TMEM232: variants seen among roughly 807,000 people sequenced by gnomAD.
TMEM232 encodes transmembrane protein 232.
Under a neutral mutation model 78.8 loss-of-function variants are expected in TMEM232, and 80 were observed. The observed-to-expected ratio is 1.01, with a 90% CI of 0.85 to 1.22. TMEM232 has a LOEUF of 1.22. Among genes scored for constraint, TMEM232 ranks in the 50% most tolerant of loss-of-function variants. The pLI, the probability that TMEM232 is intolerant of heterozygous loss-of-function variation, is 0.00. For missense variants in TMEM232, 881 were observed against 742.2 expected, an observed-to-expected ratio of 1.19 and a Z score of -2.17; for synonymous variants, 297 against 254.3, an observed-to-expected ratio of 1.17 and a Z score of -1.60.
At chr5:110,418,796 C>G (rs1408441685), downstream of TMEM232, among the ~76,000 whole-genome samples, 1 of 152,174 alleles carries the variant, frequency 6.6e-6, no homozygotes, top group Non-Finnish European at 1.5e-5. Flanking sequence ...TAGAAAGTTT[C>G]AGAAATTGGA....
chr5:110,630,981 C>T (rs1398197128), intron 5 of TMEM232, among the ~76,000 whole-genome samples: 3 of 152,054 alleles, frequency 2.0e-5, no homozygotes, highest in Non-Finnish European at 4.4e-5. Flanking sequence ...TTCACTCACA[C>T]CCCTGAGACC....
chr5:110,411,761 T>A (rs2112583190), intron 2 of TMEM232, among the ~76,000 whole-genome samples: 2 of 152,272 alleles, frequency 1.3e-5, no homozygotes, highest in Middle Eastern at 3.4e-3. Flanking sequence ...GTAGCATGTA[T>A]CAGAATGTCT....
chr5:110,685,187 A>G (rs957789402), intron 1 of TMEM232, among the ~76,000 whole-genome samples: 1 of 152,188 alleles, frequency 6.6e-6, no homozygotes. Flanking sequence ...AAAATACTAC[A>G]TATAAAAACT....
chr5:110,479,085 C>CTA (rs1353272315), intron 12 of TMEM232, among the ~76,000 whole-genome samples: 1 of 151,388 alleles, frequency 6.6e-6, no homozygotes, highest in African/African-American at 2.4e-5. Context: ...CACATCTAGT[C>CTA]TATATATAGC....
chr5:110,667,165 G>C (rs1254361748), intron 2 of TMEM232, 63 bp downstream of exon 2: 2 of 1,330,344 alleles, frequency 1.5e-6, no homozygotes, highest in Non-Finnish European at 2.0e-6. Context: ...TTTTTTTTCA[G>C]TTTTCTATAT....
chr5:110,697,001 G>A (rs1794871142), intron 1 of TMEM232, among the ~76,000 whole-genome samples: 1 of 152,124 alleles, frequency 6.6e-6, no homozygotes, highest in Non-Finnish European at 1.5e-5. Flanking sequence ...TCAATTCTGA[G>A]CCAAAAGAAC....
At chr5:110,682,395 A>AT (rs1228941419) in intron 1 of TMEM232, among the ~76,000 whole-genome samples, 2 of 151,974 alleles carry the variant, frequency 1.3e-5, no homozygotes, top group Non-Finnish European at 2.9e-5. Context: ...TAAAAAAAAA[A>AT]CAACAATTAT....
chr5:110,458,460 C>G (rs894470272), intron 12 of TMEM232, among the ~76,000 whole-genome samples: 1 of 152,126 alleles, frequency 6.6e-6, no homozygotes. Context: ...AGGAGTGCAG[C>G]CTGACACAAG....
intron 12 of TMEM232, among the ~76,000 whole-genome samples, chr5:110,519,375 C>T (rs1006098845): frequency 6.6e-6 from 1 of 152,022 alleles, no homozygotes; most frequent in South Asian, 2.1e-4. Context: ...GATTAATGTT[C>T]GACATCACTA....
At position 110,606,233 on chromosome 5, in the gene TMEM232, C is replaced by A. The variant is rs1029050388; in HGVS notation, c.957G>T (p.Met319Ile). Reference sequence around the variant, plus strand: ...CGTCCATTAAAGCTTTCAAGCAGGCCATGTTTAATTTGGCAGCCTCCCCAA... The same window carrying A: ...CGTCCATTAAAGCTTTCAAGCAGGCAATGTTTAATTTGGCAGCCTCCCCAA... The part of the protein sequence containing the change: ...LVLGEAAKLN[M>I]ACLKALMDVV... The change falls in exon 9 of 14, where the codon ATG becomes ATT. Residue 319 changes from methionine (M) to isoleucine (I), a missense_variant. By Grantham distance (10) the Met-to-Ile change is conservative (BLOSUM62 1). Coordinates refer to ENST00000455884, the MANE Select transcript of TMEM232 (RefSeq NM_001039763.4). The A allele has an allele frequency of 6.5e-7, 1 of 1,543,802 alleles. No homozygotes were observed. Among genetic ancestry groups the A allele is most frequent in the Non-Finnish European group, 8.8e-7 (1 of 1,141,490 alleles).
chr5:110,466,890 T>C (rs571870591), intron 12 of TMEM232, among the ~76,000 whole-genome samples: 15 of 136,024 alleles, frequency 1.1e-4, no homozygotes, highest in African/African-American at 5.2e-4. Context: ...TTGCTTGAAC[T>C]ATAGTATTTG....
chr5:110,499,638 C>CATATAT (rs1561575599), intron 12 of TMEM232, among the ~76,000 whole-genome samples: 1 of 137,746 alleles, frequency 7.3e-6, no homozygotes, highest in African/African-American at 3.4e-5. Context: ...CCCCCCCCCA[C>CATATAT]ACACACACAT....
At chr5:110,564,994 A>C (rs1360855433) in intron 11 of TMEM232, among the ~76,000 whole-genome samples, 1 of 151,964 alleles carries the variant, frequency 6.6e-6, no homozygotes, top group African/African-American at 2.4e-5. Context: ...CACACCTGTA[A>C]GAAACCAACA....
At chr5:110,646,406 C>A (rs1235983164) in intron 2 of TMEM232, among the ~76,000 whole-genome samples, 1 of 151,684 alleles carries the variant, frequency 6.6e-6, no homozygotes, top group Non-Finnish European at 1.5e-5. Flanking sequence ...AATCAAAAAT[C>A]CAGAAATAAA....
intron 12 of TMEM232, among the ~76,000 whole-genome samples, chr5:110,492,855 T>TC (rs1765260811): frequency 6.6e-6 from 1 of 151,996 alleles, no homozygotes; most frequent in South Asian, 2.1e-4. Context: ...CACTTAAAAA[T>TC]TTTTGAAGCC....
At chr5:110,418,530 TCTC>T (rs943139973), downstream of TMEM232, among the ~76,000 whole-genome samples, 1 of 151,954 alleles carries the variant, frequency 6.6e-6, no homozygotes, top group African/African-American at 2.4e-5. Flanking sequence ...CATCTCTCTC[TCTC>T]CTTTTCTTCC....
At chr5:110,446,455 G>A (rs906169320) in intron 12 of TMEM232, among the ~76,000 whole-genome samples, 1 of 152,130 alleles carries the variant, frequency 6.6e-6, no homozygotes, top group African/African-American at 2.4e-5. Flanking sequence ...ATGAAAGATT[G>A]GAAGAGTTGC....
intron 8 of TMEM232, among the ~76,000 whole-genome samples, chr5:110,611,864 A>T (rs903582036): frequency 1.3e-5 from 2 of 152,160 alleles, no homozygotes; most frequent in Admixed American, 1.3e-4. Flanking sequence ...AACAGAGAGC[A>T]GGGGAACAGT....
At chr5:110,667,126 A>G (rs1790694983) in intron 2 of TMEM232, 102 bp downstream of exon 2, 1 of 947,578 alleles carries the variant, frequency 1.1e-6, no homozygotes, top group East Asian at 3.0e-5. Flanking sequence ...TAAAATTTTA[A>G]TCTTTGGTTA....
Sources: gnomAD v4.1 joint callset for allele counts (sites outside exome capture counted in the v4.1 genomes callset) on GRCh38, gnomAD v4.1.1 for gene constraint, MANE v1.5 for transcripts, NCBI Gene and HGNC (gene_info 2026-07-23, HGNC 2026-07-21) for gene names.